Variants in CRAT observed in about 807,000 individuals in gnomAD.
The protein encoded by CRAT is carnitine acetylase.
CRAT carries 66 observed loss-of-function variants against 73.7 expected under a neutral mutation model. The observed-to-expected ratio is 0.90, with a 90% CI of 0.73 to 1.10. The LOEUF (loss-of-function observed/expected upper bound fraction) is 1.10, where lower values mean the gene tolerates loss of function less well. Ranked by LOEUF, CRAT falls within the 50% of genes least tolerant of loss-of-function variation. CRAT has a pLI of 0.00. For synonymous variants in CRAT, 321 were observed against 343.2 expected (o/e 0.94, Z 0.71); for missense variants, 745 against 846.9 (o/e 0.88, Z 1.49).
In CRAT at chr9:129,103,895, G is replaced by A. The variant is rs950357808; in HGVS notation, c.410+293C>T. Among the ~76,000 whole-genome samples the A allele has an allele frequency of 2.0e-5, 3 of 152,010 alleles. No individual in the cohort carries two copies. Among genetic ancestry groups the A allele is most frequent in the East Asian group, 1.9e-4 (1 of 5,194 alleles). On this transcript the variant is annotated intron_variant, in intron 3 of 13. Coordinates refer to ENST00000318080, the MANE Select transcript of CRAT (RefSeq NM_000755.5). This position sits in a 1 kb window ranked among gnomAD's most constrained non-coding sequence, Gnocchi z 4.6. Reference sequence around the variant, plus strand: ...GAGGTGAAGTGCTAAAACTGGGGTCGGGGAGAAGCCTCAGGTATGGAGGAG... The same window carrying A: ...GAGGTGAAGTGCTAAAACTGGGGTCAGGGAGAAGCCTCAGGTATGGAGGAG...
Position 129,101,987 on chromosome 9 carries a change from T to G in CRAT, c.701A>C (p.Glu234Ala). The G allele has an allele frequency of 6.2e-7, 1 of 1,614,220 alleles. No homozygotes were observed. The highest frequency in any genetic ancestry group is 1.1e-5 in the South Asian group (1 of 91,088). The change falls in exon 6 of 14, where the codon GAG becomes GCG. Residue 234 changes from glutamate to alanine, a missense_variant. Coordinates refer to ENST00000318080, the MANE Select transcript of CRAT (RefSeq NM_000755.5). ...LTADQIFVQL[E>A]KIWNSSLQTN... is the part of the protein sequence containing the mutation. Reference sequence around the variant, plus strand: ...CTGTAGGGATGAGTTCCAGATCTTCTCCAGCTGCACAAAGATCTGATCCGC... The same window carrying G: ...CTGTAGGGATGAGTTCCAGATCTTCGCCAGCTGCACAAAGATCTGATCCGC...
chr9:129,108,969 G>GC (rs1848195678), intron 1 of CRAT: 2 of 1,238,806 alleles, frequency 1.6e-6, no homozygotes, highest in Non-Finnish European at 2.1e-6. Context: ...GGCTGTGGTG[G>GC]AATCGGGGGT....
intron 8 of CRAT, among the ~76,000 whole-genome samples, 174 bp from the exon 9 acceptor site, chr9:129,098,824 T>C (rs1183661457): frequency 1.3e-5 from 2 of 150,388 alleles, no homozygotes; most frequent in African/African-American, 4.9e-5. Context: ...TTCTTTTTTT[T>C]TTTTTTTTAG....
rs1397478080 is a variant in CRAT at position 129,108,971 on chromosome 9, A to T, written c.28-894T>A. ...TGGCAGTGGCGATGGCTGTGGTGGA[A>T]TCGGGGGTTGTGGCAGTGGCAGGGG... On this transcript the variant is annotated intron_variant, in intron 1 of 13. Transcript: ENST00000318080. 2.4e-6 allele frequency: 3 copies of T among 1,232,514 alleles called. No homozygotes were observed. In the Admixed American group the frequency reaches 8.2e-5, roughly 34 times the overall value. 76.3% of individuals were successfully genotyped at this position (1,232,514 alleles called of 1,614,324 possible). A position where few individuals can be genotyped will look rare whatever the true frequency, so the allele number is the denominator to read the frequency against.
chr9:129,097,958 A>G, intron 11 of CRAT, 55 bp downstream of exon 11: 1 of 1,593,776 alleles, frequency 6.3e-7, no homozygotes, highest in Non-Finnish European at 8.5e-7. Context: ...TGACTGAGTG[A>G]GCAGGAGGGA....
At chr9:129,108,953 G>C in intron 1 of CRAT, 1 of 1,249,334 alleles carries the variant, frequency 8.0e-7, no homozygotes, top group South Asian at 1.4e-5. Flanking sequence ...AGGTGGCAGT[G>C]GCGATGGCTG....
chr9:129,102,118 C>T (rs1847711435), intron 5 of CRAT, 61 bp from the exon 6 acceptor site: 2 of 1,541,666 alleles, frequency 1.3e-6, no homozygotes, highest in Non-Finnish European at 1.8e-6. Flanking sequence ...CTGAGAGCAG[C>T]CACCTCCCCA....
chr9:129,108,283 TG>T lies in CRAT; in HGVS notation c.28-207del, dbSNP rs1848147583. The T allele has an allele frequency of 4.4e-6, 4 of 907,310 alleles. No individual in the cohort carries two copies. The African/African-American group carries it at 5.3e-5, about 12-fold the overall frequency. 56.2% of individuals were successfully genotyped at this position (907,310 alleles called of 1,614,324 possible). Reference sequence around the variant, plus strand: ...AGATGCAGGTAGGGATGGGGGAGGGTGGGGTGTGGCCATGGTTCTTAGCAAG... The same window carrying T: ...AGATGCAGGTAGGGATGGGGGAGGGTGGGTGTGGCCATGGTTCTTAGCAAG... On this transcript the variant is annotated intron_variant, in intron 1 of 13. Coordinates refer to ENST00000318080, the MANE Select transcript of CRAT (RefSeq NM_000755.5).
intron 1 of CRAT, 48 bp from the exon 2 acceptor site, chr9:129,108,125 C>T: frequency 6.7e-7 from 1 of 1,493,932 alleles, no homozygotes; most frequent in Non-Finnish European, 8.8e-7. Flanking sequence ...GCTCTGGAGC[C>T]CTGGCAGCCC....
chr9:129,107,330 C>T lies in CRAT; in HGVS notation c.291+484G>A. On this transcript the variant is annotated intron_variant, in intron 2 of 13. Transcript: ENST00000318080. This position sits in a 1 kb window ranked among gnomAD's most constrained non-coding sequence, Gnocchi z 5.0. ...TATAGGTGTGAGTCACTGCATCCAG[C>T]TGCCACTTTTTAAATCTGTGTATTG... The T allele has an allele frequency of 2.4e-6, 1 of 410,518 alleles. No homozygotes were observed. The highest frequency in any genetic ancestry group is 3.1e-5 in the South Asian group (1 of 32,212). The allele number at this position is 410,518 out of a possible 1,614,324, so 25.4% of individuals were successfully genotyped here. A position where few individuals can be genotyped will look rare whatever the true frequency, so the allele number is the denominator to read the frequency against.
At position 129,095,138 on chromosome 9, in the gene CRAT, CA is replaced by C. The variant is rs1273189601; in HGVS notation, c.*258del. 3 of 541,872 alleles carry C rather than the reference CA, an allele frequency of 5.5e-6. No individual in the cohort carries two copies. Among genetic ancestry groups the C allele is most frequent in the Non-Finnish European group, 9.9e-6 (3 of 302,780 alleles). The allele number at this position is 541,872 out of a possible 1,614,324, so 33.6% of individuals were successfully genotyped here. On this transcript the variant is annotated 3_prime_UTR_variant, in exon 14 of 14. Coordinates refer to ENST00000318080, the MANE Select transcript of CRAT (RefSeq NM_000755.5). The stretch of plus-strand genomic sequence containing the variant: ...GAGGAGGCACCGGTGGAGGACGTGC[CA>C]GGGGCCCGGGCCTAACGTCCTGCTC...
At chr9:129,104,558 G>T (rs1439413756) in intron 2 of CRAT, among the ~76,000 whole-genome samples, 1 of 151,614 alleles carries the variant, frequency 6.6e-6, no homozygotes, top group African/African-American at 2.4e-5. Context: ...GTGAAAGAAA[G>T]ATCAGGAGGA....
Position 129,100,246 on chromosome 9 carries a change from T to C in CRAT, c.984+265A>G, listed in dbSNP as rs950029761. 7.9e-5 allele frequency: 46 copies of C among 583,842 alleles called. No individual in the cohort carries two copies. In the Middle Eastern group the frequency reaches 3.1e-3, roughly 40 times the overall value. The allele number at this position is 583,842 out of a possible 1,614,324, so 36.2% of individuals were successfully genotyped here. ...GTGGAGAGGGACTGTTGTGCCAGGATTGCACTGGTGACCCCGGATCCCAGG... is the reference window on the plus strand; with the variant it reads ...GTGGAGAGGGACTGTTGTGCCAGGACTGCACTGGTGACCCCGGATCCCAGG... On this transcript the variant is annotated intron_variant, in intron 7 of 13. Transcript: ENST00000318080.
At chr9:129,104,007 A>C (rs1847842913) in intron 3 of CRAT, among the ~76,000 whole-genome samples, 181 bp downstream of exon 3, 1 of 152,202 alleles carries the variant, frequency 6.6e-6, no homozygotes, top group South Asian at 2.1e-4. Flanking sequence ...GGTCTTGGGC[A>C]GCTCCCTTCC....
intron 5 of CRAT, 62 bp from the exon 6 acceptor site, chr9:129,102,119 C>T: frequency 3.3e-6 from 5 of 1,525,716 alleles, no homozygotes; most frequent in Non-Finnish European, 4.5e-6. Context: ...TGAGAGCAGC[C>T]ACCTCCCCAC....
chr9:129,103,093 G>A lies in CRAT; in HGVS notation c.411-27C>T. The A allele has an allele frequency of 6.2e-7, 1 of 1,609,572 alleles. No individual in the cohort carries two copies. On this transcript the variant is annotated intron_variant, in intron 3 of 13. Coordinates refer to ENST00000318080, the MANE Select transcript of CRAT (RefSeq NM_000755.5). The surrounding 1 kb of genome is among the most constrained non-coding windows in gnomAD (Gnocchi z 4.6). ...TGGAAAGATTGATTAGAGATTAGAA[G>A]CTGCGTGGACACCCTGAGGGAGGCC...
At chr9:129,100,487 G>A in intron 7 of CRAT, 24 bp downstream of exon 7, 1 of 1,601,190 alleles carries the variant, frequency 6.2e-7, no homozygotes, top group Non-Finnish European at 8.5e-7. Flanking sequence ...GTGTGTGAGT[G>A]GGCGAAGCCC....
At position 129,100,721 on chromosome 9, in the gene CRAT, A is replaced by C. The variant is rs748338130; in HGVS notation, c.806-32T>G. On this transcript the variant is annotated intron_variant, in intron 6 of 13. Coordinates refer to ENST00000318080, the MANE Select transcript of CRAT (RefSeq NM_000755.5). ...GTGGCATGGGGCGGGGAGACGCAAA[A>C]TGGGGTCTCATGGTGTGGGAGAGAT... 11 of 1,592,480 alleles carry C rather than the reference A, an allele frequency of 6.9e-6. No homozygotes were observed. The South Asian group carries it at 1.0e-4, about 15-fold the overall frequency.
Position 129,098,101 on chromosome 9 carries a change from A to G in CRAT, c.1376T>C (p.Met459Thr), listed in dbSNP as rs375539446. The part of the protein sequence containing the change: ...CATYESASLR[M>T]FHLGRTDTIR... Reference sequence around the variant, plus strand: ...GGTGTCGGTGCGGCCCAGGTGAAACATGCGCAGGGAGGCACTTTCATAGGT... The same window carrying G: ...GGTGTCGGTGCGGCCCAGGTGAAACGTGCGCAGGGAGGCACTTTCATAGGT... Residue 459 changes from methionine to threonine, a missense_variant, in exon 11 of 14, where the codon ATG becomes ACG. Met to Thr is a moderately conservative substitution (Grantham distance 81). Coordinates refer to ENST00000318080, the MANE Select transcript of CRAT (RefSeq NM_000755.5). The G allele has an allele frequency of 6.2e-7, 1 of 1,614,032 alleles. No homozygotes were observed. Among genetic ancestry groups the G allele is most frequent in the Non-Finnish European group, 8.5e-7 (1 of 1,180,034 alleles).
Sources: allele counts gnomAD v4.1 joint callset (sites outside exome capture counted in the v4.1 genomes callset), GRCh38; gene constraint gnomAD v4.1.1; non-coding constraint Gnocchi (gnomAD v3.1); transcripts MANE v1.5; gene names NCBI Gene and HGNC (gene_info 2026-07-23, HGNC 2026-07-21).